SEPHS1: variants seen among roughly 807,000 people sequenced by gnomAD.
The protein encoded by SEPHS1 is zincore component SEPHS1.
Under a neutral mutation model 39.2 loss-of-function variants are expected in SEPHS1, and 7 were observed. That is an observed-to-expected ratio of 0.18 (90% CI 0.10 to 0.34). The LOEUF is 0.34. Among genes scored for constraint, SEPHS1 ranks in the 10% least tolerant of loss-of-function variants. SEPHS1 has a pLI of 1.00. For synonymous variants in SEPHS1, 190 were observed against 195.5 expected, an observed-to-expected ratio of 0.97 and a Z score of 0.23; for missense variants, 253 against 514.5, an observed-to-expected ratio of 0.49 and a Z score of 4.92.
In SEPHS1 at chr10:13,328,415, G is replaced by T. The variant is rs766810981; in HGVS notation, c.687C>A (p.Thr229=). 4 of 1,613,394 alleles carry T rather than the reference G, an allele frequency of 2.5e-6. No individual in the cohort carries two copies. The highest frequency in any genetic ancestry group is 1.3e-5 in the African/African-American group (1 of 74,980). Residue 229 remains threonine, a synonymous_variant, in exon 7 of 9, where the codon ACC becomes ACA. Coordinates refer to ENST00000327347, the MANE Select transcript of SEPHS1 (RefSeq NM_012247.5). Reference sequence around the variant, plus strand: ...GGTAGGCCAGCTCTACATCTTCTTGGGTGACCACTAGTTTAATCTTATTCC... The same window carrying T: ...GGTAGGCCAGCTCTACATCTTCTTGTGTGACCACTAGTTTAATCTTATTCC... ...EKWNKIKLVV[T]QEDVELAYQE...
chr10:13,336,181 C>G (rs2275129), intron 4 of SEPHS1, 62 bp downstream of exon 4: 553,511 of 1,174,480 alleles, frequency 0.47, 136,001 homozygotes, highest in East Asian at 0.67. Context: ...CAAGTCTAAC[C>G]AAGGCCAGAG....
At chr10:13,342,600 A>C (rs1354985829) in intron 2 of SEPHS1, among the ~76,000 whole-genome samples, 4 of 152,230 alleles carry the variant, frequency 2.6e-5, no homozygotes, top group Non-Finnish European at 5.9e-5. Context: ...ACAACAAAAA[A>C]AAGGTCAAAA....
In SEPHS1 at chr10:13,333,802, C is replaced by G; in HGVS notation, c.560+15G>C. ...GAAAAACAGGTCAGGTGATATGAAA[C>G]AAAAATCAACTTACATGATAAATTC... On this transcript the variant is annotated intron_variant, in intron 5 of 8. Transcript: ENST00000327347. 1 of 1,611,410 alleles carries G rather than the reference C, an allele frequency of 6.2e-7. No individual in the cohort carries two copies. Among genetic ancestry groups the G allele is most frequent in the Non-Finnish European group, 8.5e-7 (1 of 1,179,410 alleles).
At chr10:13,337,179 T>A (rs983946200) in intron 3 of SEPHS1, among the ~76,000 whole-genome samples, 11 of 151,354 alleles carry the variant, frequency 7.3e-5, no homozygotes, top group East Asian at 1.9e-4. Context: ...ACAAAAAAAA[T>A]TTTTGTAGCT....
intron 1 of SEPHS1, among the ~76,000 whole-genome samples, chr10:13,347,554 C>A (rs1428775537): frequency 1.4e-5 from 2 of 146,828 alleles, no homozygotes; most frequent in African/African-American, 4.9e-5. Context: ...GGGGAGGACG[C>A]CGGGACGCAC....
intron 8 of SEPHS1, among the ~76,000 whole-genome samples, chr10:13,320,858 A>C (rs1833090049): frequency 6.6e-6 from 1 of 152,158 alleles, no homozygotes. Flanking sequence ...TTCTGAAGAA[A>C]GGAAACAAAT....
chr10:13,324,089 C>G (rs1000281568), intron 7 of SEPHS1, among the ~76,000 whole-genome samples: 1 of 152,162 alleles, frequency 6.6e-6, no homozygotes, highest in Non-Finnish European at 1.5e-5. Flanking sequence ...TCTACCTGAT[C>G]CCCTTCCTCT....
intron 4 of SEPHS1, 114 bp downstream of exon 4, chr10:13,336,129 G>A: frequency 1.6e-6 from 1 of 642,724 alleles, no homozygotes; most frequent in Non-Finnish European, 2.8e-6. Flanking sequence ...AGGAGTGCAG[G>A]GAGCCATATG....
At chr10:13,319,421 C>A in intron 8 of SEPHS1, 65 bp from the exon 9 acceptor site, 3 of 1,526,164 alleles carry the variant, frequency 2.0e-6, no homozygotes, top group South Asian at 1.2e-5. Context: ...GCCTCTGCTG[C>A]TTCTGCAGAG....
chr10:13,329,865 A>G, intron 5 of SEPHS1, 77 bp from the exon 6 acceptor site: 1 of 1,204,356 alleles, frequency 8.3e-7, no homozygotes, highest in Non-Finnish European at 1.2e-6. Flanking sequence ...CAAGAGAAGG[A>G]ATAATCTGTC....
chr10:13,334,571 G>A (rs988886434), intron 4 of SEPHS1, among the ~76,000 whole-genome samples: 1 of 151,878 alleles, frequency 6.6e-6, no homozygotes, highest in African/African-American at 2.4e-5. Context: ...ATTGCTTGGT[G>A]TGGTGGCATG....
intron 8 of SEPHS1, among the ~76,000 whole-genome samples, chr10:13,320,606 G>C (rs1033106150): frequency 6.6e-6 from 1 of 151,834 alleles, no homozygotes; most frequent in Non-Finnish European, 1.5e-5. Flanking sequence ...TTGGGAGGCC[G>C]AGGCGGGTGG....
At chr10:13,319,692 C>G (rs1833043555) in intron 8 of SEPHS1, among the ~76,000 whole-genome samples, 1 of 152,166 alleles carries the variant, frequency 6.6e-6, no homozygotes. Flanking sequence ...GTTGTCCAGG[C>G]TGGTCTAAAA....
chr10:13,329,275 C>G (rs921664761), intron 6 of SEPHS1, among the ~76,000 whole-genome samples: 3 of 152,150 alleles, frequency 2.0e-5, no homozygotes, highest in Non-Finnish European at 4.4e-5. Flanking sequence ...GACAAAACTA[C>G]CAAACAAAAA....
At chr10:13,335,946 C>G (rs1447503503) in intron 4 of SEPHS1, among the ~76,000 whole-genome samples, 2 of 149,100 alleles carry the variant, frequency 1.3e-5, no homozygotes. Context: ...CGCCACTACA[C>G]TCCAGCCTGG....
At chr10:13,335,053 A>G (rs1408058849) in intron 4 of SEPHS1, among the ~76,000 whole-genome samples, 2 of 152,240 alleles carry the variant, frequency 1.3e-5, no homozygotes, top group Non-Finnish European at 2.9e-5. Flanking sequence ...CAAGGGCAGG[A>G]AAGAGCCTAC....
At chr10:13,341,615 C>T (rs1030496737) in intron 2 of SEPHS1, among the ~76,000 whole-genome samples, 1 of 152,126 alleles carries the variant, frequency 6.6e-6, no homozygotes, top group African/African-American at 2.4e-5. Context: ...CTTCAATTAA[C>T]ACCATTTTTG....
At position 13,317,706 on chromosome 10, in the gene SEPHS1, G is replaced by GC. The variant is rs1832984358; in HGVS notation, c.*1435_*1436insG. The GC allele has an allele frequency of 6.6e-6, 1 of 152,212 alleles. No individual in the cohort carries two copies. The highest frequency in any genetic ancestry group is 1.5e-5 in the Non-Finnish European group (1 of 68,050). The allele number at this position is 152,212 out of a possible 1,614,324, so 9.4% of individuals were successfully genotyped here. A position where few individuals can be genotyped will look rare whatever the true frequency, so the allele number is the denominator to read the frequency against. On this transcript the variant is annotated 3_prime_UTR_variant, in exon 9 of 9. Transcript: ENST00000327347. ...GGTCATTTCCTTTGGCAAGAAGTCAGTTTACATGTGCAGCTTTGGTGCCTG... is the reference window on the plus strand; with the variant it reads ...GGTCATTTCCTTTGGCAAGAAGTCAGCTTTACATGTGCAGCTTTGGTGCCTG...
chr10:13,331,669 C>A (rs1324777853), intron 5 of SEPHS1, among the ~76,000 whole-genome samples: 2 of 152,230 alleles, frequency 1.3e-5, no homozygotes, highest in Non-Finnish European at 2.9e-5. Flanking sequence ...AGGCATGAGC[C>A]ACCACGCCCG....
Sources: gnomAD v4.1 joint callset for allele counts (sites outside exome capture counted in the v4.1 genomes callset) on GRCh38, gnomAD v4.1.1 for gene constraint, MANE v1.5 for transcripts, NCBI Gene and HGNC (gene_info 2026-07-23, HGNC 2026-07-21) for gene names.